The following DLC1 variants were observed in gnomAD, a reference collection of about 807,000 sequenced individuals.
DLC1 encodes the protein rho GTPase-activating protein 7.
Under a neutral mutation model 140.3 loss-of-function variants are expected in DLC1, and 54 were observed. The observed-to-expected ratio is 0.38, with a 90% CI of 0.31 to 0.48. The LOEUF (loss-of-function observed/expected upper bound fraction) is 0.48, where lower values mean the gene tolerates loss of function less well. Among genes scored for constraint, DLC1 ranks in the 20% least tolerant of loss-of-function variants. DLC1 has a pLI of 0.96. For synonymous variants in DLC1, 986 were observed against 728.1 expected, an observed-to-expected ratio of 1.35 and a Z score of -5.70; for missense variants, 2,536 against 1,907.0, an observed-to-expected ratio of 1.33 and a Z score of -6.14.
At chr8:13,427,541 A>G (rs774795806) in intron 2 of DLC1, among the ~76,000 whole-genome samples, 7 of 152,166 alleles carry the variant, frequency 4.6e-5, no homozygotes, top group Non-Finnish European at 8.8e-5. Flanking sequence ...CTTCAACTCT[A>G]TGCTGCTTTT....
intron 5 of DLC1, among the ~76,000 whole-genome samples, chr8:13,163,175 C>T (rs1824850333): frequency 6.6e-6 from 1 of 152,102 alleles, no homozygotes; most frequent in Admixed American, 6.5e-5. Context: ...CAGCAAGAGT[C>T]CATTGTGTTA....
intron 4 of DLC1, among the ~76,000 whole-genome samples, chr8:13,347,376 C>A (rs1260127713): frequency 6.6e-6 from 1 of 152,176 alleles, no homozygotes; most frequent in Non-Finnish European, 1.5e-5. Context: ...GAGCCCTAAA[C>A]ATATCATCGC....
chr8:13,370,719 C>A (rs932908994), intron 4 of DLC1, among the ~76,000 whole-genome samples: 5 of 152,170 alleles, frequency 3.3e-5, no homozygotes, highest in African/African-American at 1.2e-4. Flanking sequence ...TTTCTTTTGG[C>A]TACGTTCTTA....
At chr8:13,520,202 A>G (rs1175821735) in intron 1 of DLC1, among the ~76,000 whole-genome samples, 1 of 152,252 alleles carries the variant, frequency 6.6e-6, no homozygotes, top group East Asian at 1.9e-4. Flanking sequence ...TATTCACAAT[A>G]GAAAAGACTT....
chr8:13,253,160 T>G (rs993257447), intron 5 of DLC1, among the ~76,000 whole-genome samples: 1 of 152,134 alleles, frequency 6.6e-6, no homozygotes, highest in African/African-American at 2.4e-5. Flanking sequence ...GTAAGAAAGC[T>G]CATATGGAAT....
chr8:13,367,473 C>T (rs1183500067), intron 4 of DLC1, among the ~76,000 whole-genome samples: 1 of 152,164 alleles, frequency 6.6e-6, no homozygotes, highest in African/African-American at 2.4e-5. Flanking sequence ...AAAAAGCAGC[C>T]TCCACCTACC....
At chr8:13,549,497 C>G (rs1006514261) in intron 1 of DLC1, among the ~76,000 whole-genome samples, 2 of 152,072 alleles carry the variant, frequency 1.3e-5, no homozygotes, top group African/African-American at 4.8e-5. Flanking sequence ...TCCACATTTT[C>G]ATGAAATACC....
chr8:13,258,460 T>C (rs1214871811), intron 5 of DLC1, among the ~76,000 whole-genome samples: 1 of 152,248 alleles, frequency 6.6e-6, no homozygotes, highest in Admixed American at 6.5e-5. Flanking sequence ...CATTTACTTA[T>C]AATATCTGCT....
chr8:13,579,342 TATATATATATATATATATA>T lies in DLC1; in HGVS notation c.-126+25176_-126+25194del, dbSNP rs1170287929. Among the ~76,000 whole-genome samples the T allele has an allele frequency of 7.4e-4, 41 of 55,516 alleles. 13 individuals are homozygous for T. The highest frequency in any genetic ancestry group is 2.1e-3 in the East Asian group (3 of 1,452). 36.4% of individuals were successfully genotyped at this position (55,516 alleles called of 152,430 possible). A position where few individuals can be genotyped will look rare whatever the true frequency, so the allele number is the denominator to read the frequency against. On this transcript the variant is annotated intron_variant, in intron 1 of 1. Coordinates refer to the DLC1 transcript ENST00000631382. ...ATATATATATATATATATATATATA[TATATATATATATATATATA>T]TTTTTATATAATACATATTTATATA...
rs1238289577 is a variant in DLC1 at position 13,083,831 on chromosome 8, G to A, written c.*1980C>T. ...CCTTCAGCAAATCGCTCTTTTGATT[G>A]TAGTTGATGCTAAAATGCTATGCTT... On this transcript the variant is annotated 3_prime_UTR_variant, in exon 18 of 18. Coordinates refer to ENST00000276297, the MANE Select transcript of DLC1 (RefSeq NM_182643.3). 1.3e-5 allele frequency: 2 copies of A among 152,610 alleles called. No individual in the cohort carries two copies. Among genetic ancestry groups the A allele is most frequent in the East Asian group, 3.8e-4 (2 of 5,198 alleles). The allele number at this position is 152,610 out of a possible 1,614,324, so 9.5% of individuals were successfully genotyped here.
chr8:13,224,871 T>G (rs575636750), intron 5 of DLC1, among the ~76,000 whole-genome samples: 38 of 152,158 alleles, frequency 2.5e-4, no homozygotes, highest in Non-Finnish European at 4.0e-4. Context: ...CCACGTTAGT[T>G]AACCACCAAG....
chr8:13,317,070 G>A (rs972071739), intron 4 of DLC1, among the ~76,000 whole-genome samples: 2 of 152,102 alleles, frequency 1.3e-5, no homozygotes, highest in African/African-American at 2.4e-5. Flanking sequence ...TACGATTAAA[G>A]TCTACCTTGG....
intron 1 of DLC1, among the ~76,000 whole-genome samples, chr8:13,564,351 A>G (rs916867199): frequency 2.6e-5 from 4 of 152,224 alleles, no homozygotes; most frequent in African/African-American, 9.6e-5. Flanking sequence ...AATGGCCATT[A>G]CAGTGAGATT....
At chr8:13,434,415 T>G (rs1239619868) in intron 2 of DLC1, among the ~76,000 whole-genome samples, 1 of 152,200 alleles carries the variant, frequency 6.6e-6, no homozygotes, top group Non-Finnish European at 1.5e-5. Context: ...ACAAAGTTTA[T>G]TAGTGTTTTC....
chr8:13,226,422 C>T (rs1342401275), intron 5 of DLC1, among the ~76,000 whole-genome samples: 1 of 152,178 alleles, frequency 6.6e-6, no homozygotes, highest in Non-Finnish European at 1.5e-5. Flanking sequence ...TATCCTATTG[C>T]TTCATTTAAC....
At chr8:13,104,383 A>G (rs1819379250) in intron 7 of DLC1, among the ~76,000 whole-genome samples, 1 of 151,908 alleles carries the variant, frequency 6.6e-6, no homozygotes, top group South Asian at 2.1e-4. Context: ...CTCATGGAGA[A>G]ATAATGCAAC....
intron 5 of DLC1, among the ~76,000 whole-genome samples, chr8:13,135,204 C>CT (rs548207973): frequency 0.013 from 1,716 of 131,180 alleles, 15 homozygotes; most frequent in East Asian, 0.028. Context: ...AGTGAGAAGC[C>CT]TTTTTTTTTT....
chr8:13,429,782 A>T (rs554307065), intron 2 of DLC1, among the ~76,000 whole-genome samples: 2 of 152,330 alleles, frequency 1.3e-5, no homozygotes, highest in African/African-American at 4.8e-5. Flanking sequence ...ACAAATTTTC[A>T]GCTACGTATA....
chr8:13,103,330 A>G (rs1585628534), intron 7 of DLC1, among the ~76,000 whole-genome samples: 2 of 150,934 alleles, frequency 1.3e-5, no homozygotes, highest in East Asian at 3.9e-4. Flanking sequence ...AAATAAATAA[A>G]TAAATAAATA....
Sources: gnomAD v4.1 joint callset for allele counts (sites outside exome capture counted in the v4.1 genomes callset) on GRCh38, gnomAD v4.1.1 for gene constraint, MANE v1.5 for transcripts, NCBI Gene and HGNC (gene_info 2026-07-23, HGNC 2026-07-21) for gene names.